IGFBP6: variants seen among roughly 807,000 people sequenced by gnomAD.
IGFBP6 encodes the protein insulin like growth factor binding protein 6.
IGFBP6 carries 24 observed loss-of-function variants against 24.5 expected under a neutral mutation model. The ratio of observed to expected loss-of-function variants is 0.98; its 90% CI spans 0.71 to 1.38. The LOEUF (loss-of-function observed/expected upper bound fraction) is 1.38. Among genes scored for constraint, IGFBP6 ranks in the 40% most tolerant of loss-of-function variants. The probability of loss-of-function intolerance (pLI) is 0.00; values close to 1 mark genes in which losing one functional copy is unlikely to be tolerated. For missense variants in IGFBP6, 331 were observed against 324.8 expected, an observed-to-expected ratio of 1.02 and a Z score of -0.15; for synonymous variants, 147 against 137.4, an observed-to-expected ratio of 1.07 and a Z score of -0.49.
chr12:53,098,553 A>C (rs1937779711), intron 1 of IGFBP6, among the ~76,000 whole-genome samples: 2 of 152,212 alleles, frequency 1.3e-5, no homozygotes, highest in African/African-American at 4.8e-5. Context: ...GCACCTAAAC[A>C]GGAGGCGTCT....
Position 53,101,035 on chromosome 12 carries a change from C to T in IGFBP6, c.481-6C>T, listed in dbSNP as rs1416325169. 1 of 1,613,696 alleles carries T rather than the reference C, an allele frequency of 6.2e-7. No individual in the cohort carries two copies. On this transcript the variant is annotated splice_region_variant and splice_polypyrimidine_tract_variant and intron_variant, in intron 2 of 3. Transcript: ENST00000301464. ...GGTTCTAAGCTGCCTACTCTCCCTT[C>T]CCCAGGGCCCATGCCGTAGACATCT... is the stretch of plus-strand genomic sequence containing the variant.
chr12:53,098,120 A>T (rs144883443), intron 1 of IGFBP6, 69 bp downstream of exon 1: 1 of 1,362,766 alleles, frequency 7.3e-7, no homozygotes, highest in African/African-American at 1.5e-5. Flanking sequence ...TCCTGGGGAG[A>T]CGGGAGTGGG....
Position 53,102,288 on chromosome 12 carries a change from T to A in IGFBP6, c.*121T>A. The A allele has an allele frequency of 1.7e-6, 2 of 1,143,518 alleles. No individual in the cohort carries two copies. Among genetic ancestry groups the A allele is most frequent in the Non-Finnish European group, 1.2e-6 (1 of 814,888 alleles). 70.8% of individuals were successfully genotyped at this position (1,143,518 alleles called of 1,614,324 possible). On this transcript the variant is annotated 3_prime_UTR_variant, in exon 4 of 4. Coordinates refer to ENST00000301464, the MANE Select transcript of IGFBP6 (RefSeq NM_002178.3). ...CGCCCCATGGGCCCCTCACCGCTGG[T>A]TGGAAAGAGTGTTGGTGTTGGCTGG...
At position 53,100,748 on chromosome 12, in the gene IGFBP6, C is replaced by T. The variant is rs752999248; in HGVS notation, c.371C>T (p.Ala124Val). The T allele has an allele frequency of 5.6e-6, 9 of 1,614,070 alleles. No individual in the cohort carries two copies. The African/African-American group carries it at 1.1e-4, about 19-fold the overall frequency. Residue 124 changes from alanine (A) to valine (V), a missense_variant, in exon 2 of 4, where the codon GCA becomes GTA. Coordinates refer to ENST00000301464, the MANE Select transcript of IGFBP6 (RefSeq NM_002178.3). ...EENPKESKPQAGTARPQDVNR... is the reference protein window; with the variant it reads ...EENPKESKPQVGTARPQDVNR... ...AATCCTAAGGAGAGTAAACCCCAAG[C>T]AGGCACTGCCCGCCCACAGGATGTG... is the stretch of plus-strand genomic sequence containing the variant.
In IGFBP6 at chr12:53,100,819, T is replaced by C. The variant is rs1424357369; in HGVS notation, c.442T>C (p.Ser148Pro). The C allele has an allele frequency of 6.2e-7, 1 of 1,614,184 alleles. No homozygotes were observed. The highest frequency in any genetic ancestry group is 1.6e-4 in the Middle Eastern group (1 of 6,062). Residue 148 changes from serine (S) to proline (P), a missense_variant, in exon 2 of 4, where the codon TCC becomes CCC. By Grantham distance (74) the Ser-to-Pro change is moderately conservative. Transcript: ENST00000301464. ...QRNPGTSTTPSQPNSAGVQDT... is the reference protein window; with the variant it reads ...QRNPGTSTTPPQPNSAGVQDT... ...GAATCCAGGCACCTCTACCACGCCC[T>C]CCCAGCCCAATTCTGCGGGTGTCCA... is the stretch of plus-strand genomic sequence containing the variant.
rs1489046222 is a variant in IGFBP6 at position 53,100,746 on chromosome 12, A to G, written c.369A>G (p.Gln123=). The G allele has an allele frequency of 3.1e-6, 5 of 1,614,176 alleles. No homozygotes were observed. In the East Asian group the frequency reaches 8.9e-5, roughly 29 times the overall value. ...AGAATCCTAAGGAGAGTAAACCCCA[A>G]GCAGGCACTGCCCGCCCACAGGATG... ...AEENPKESKP[Q]AGTARPQDVN... is the part of the protein sequence containing the mutation. The change falls in exon 2 of 4, where the codon CAA becomes CAG. Residue 123 remains glutamine (Q), a synonymous_variant. Transcript: ENST00000301464.
chr12:53,101,165 G>A lies in IGFBP6; in HGVS notation c.600+5G>A. ...GGCTTCTACCGGAAGCGGCAGGTGAGACTATTTTTCTTCTCCTCCTGCTCC... is the reference window on the plus strand; with the variant it reads ...GGCTTCTACCGGAAGCGGCAGGTGAAACTATTTTTCTTCTCCTCCTGCTCC... On this transcript the variant is annotated splice_donor_5th_base_variant and intron_variant, in intron 3 of 3. Transcript: ENST00000301464. 6.2e-7 allele frequency: 1 copy of A among 1,613,068 alleles called. No homozygotes were observed. The highest frequency in any genetic ancestry group is 8.5e-7 in the Non-Finnish European group (1 of 1,179,094).
At chr12:53,101,011 G>T (rs766616957) in intron 2 of IGFBP6, 30 bp from the exon 3 acceptor site, 2 of 1,612,066 alleles carry the variant, frequency 1.2e-6, no homozygotes, top group Non-Finnish European at 1.7e-6. Context: ...GGCTGGAGCG[G>T]TTCTAAGCTG....
chr12:53,098,376 T>G (rs1937777324), intron 1 of IGFBP6, among the ~76,000 whole-genome samples: 1 of 152,122 alleles, frequency 6.6e-6, no homozygotes, highest in African/African-American at 2.4e-5. Context: ...GGCCATCCCA[T>G]GGGCTCCAGC....
rs1937760864 is a variant in IGFBP6 at position 53,097,713 on chromosome 12, T to G, written c.-5T>G. 1.9e-6 allele frequency: 3 copies of G among 1,543,910 alleles called. No homozygotes were observed. Among genetic ancestry groups the G allele is most frequent in the Non-Finnish European group, 2.6e-6 (3 of 1,146,364 alleles). ...GAAGGAGAGGACGGGGCACAAACCC[T>G]GACCATGACCCCCCACAGGCTGCTG... is the stretch of plus-strand genomic sequence containing the variant. On this transcript the variant is annotated 5_prime_UTR_variant, in exon 1 of 4. Transcript: ENST00000301464.
chr12:53,099,945 G>GCC (rs9658614), intron 1 of IGFBP6, among the ~76,000 whole-genome samples: 3 of 151,244 alleles, frequency 2.0e-5, no homozygotes, highest in East Asian at 2.0e-4. Context: ...TGCAACCTCC[G>GCC]CCCCCCCGAG....
chr12:53,101,935 C>T, intron 3 of IGFBP6, 110 bp from the exon 4 acceptor site: 1 of 943,136 alleles, frequency 1.1e-6, no homozygotes, highest in Non-Finnish European at 1.5e-6. Flanking sequence ...GAGAGGGAAC[C>T]CCCGAGGAGA....
At position 53,102,317 on chromosome 12, in the gene IGFBP6, G is replaced by A. The variant is rs1433641831; in HGVS notation, c.*150G>A. ...AAAGAGTGTTGGTGTTGGCTGGGGT[G>A]TCAATAAAGCTGTGCTTGGGGTCGC... On this transcript the variant is annotated 3_prime_UTR_variant, in exon 4 of 4. Transcript: ENST00000301464. The A allele has an allele frequency of 3.6e-6, 3 of 842,906 alleles. No individual in the cohort carries two copies. The highest frequency in any genetic ancestry group is 5.4e-6 in the Non-Finnish European group (3 of 557,404). 52.2% of individuals were successfully genotyped at this position (842,906 alleles called of 1,614,324 possible).
In IGFBP6 at chr12:53,097,814, G is replaced by T; in HGVS notation, c.97G>T (p.Gly33Trp). Residue 33 changes from glycine (G) to tryptophan (W), a missense_variant, in exon 1 of 4, where the codon GGG becomes TGG. Gly to Trp is a radical substitution (Grantham distance 184, BLOSUM62 -2). Coordinates refer to ENST00000301464, the MANE Select transcript of IGFBP6 (RefSeq NM_002178.3). Reference protein sequence around the residue: ...GGALARCPGCGQGVQAGCPGG... With the variant: ...GGALARCPGCWQGVQAGCPGG... Reference sequence around the variant, plus strand: ...CGCCTTGGCGCGGTGCCCAGGCTGCGGGCAAGGGGTGCAGGCGGGTTGTCC... The same window carrying T: ...CGCCTTGGCGCGGTGCCCAGGCTGCTGGCAAGGGGTGCAGGCGGGTTGTCC... 6.5e-7 allele frequency: 1 copy of T among 1,541,794 alleles called. No individual in the cohort carries two copies.
intron 2 of IGFBP6, 52 bp downstream of exon 2, chr12:53,100,909 C>T (rs1355396799): frequency 1.2e-6 from 2 of 1,610,716 alleles, no homozygotes; most frequent in East Asian, 4.5e-5. Context: ...CTGGAGACTT[C>T]CATCTGAGAC....
chr12:53,099,218 C>G, intron 1 of IGFBP6: 2 of 434,698 alleles, frequency 4.6e-6, no homozygotes, highest in Non-Finnish European at 9.4e-6. Context: ...GTACATGCTC[C>G]CCTTTCTGCC....
chr12:53,098,621 A>C (rs754628777), intron 1 of IGFBP6, among the ~76,000 whole-genome samples: 4 of 152,206 alleles, frequency 2.6e-5, no homozygotes, highest in Non-Finnish European at 5.9e-5. Flanking sequence ...GACTGAGGGC[A>C]GGCTAGGGCG....
intron 1 of IGFBP6, chr12:53,099,178 A>G (rs1937786630): frequency 1.6e-5 from 6 of 384,158 alleles, no homozygotes; most frequent in Middle Eastern, 3.5e-4. Context: ...CTGATATCTG[A>G]TTAGATGTTA....
chr12:53,098,631 G>A (rs1180300915), intron 1 of IGFBP6, among the ~76,000 whole-genome samples: 1 of 152,168 alleles, frequency 6.6e-6, no homozygotes, highest in African/African-American at 2.4e-5. Context: ...AGGCTAGGGC[G>A]TAGGTTAGGG....
Sources: gnomAD v4.1 joint callset for allele counts (sites outside exome capture counted in the v4.1 genomes callset) on GRCh38, gnomAD v4.1.1 for gene constraint, MANE v1.5 for transcripts, NCBI Gene and HGNC (gene_info 2026-07-23, HGNC 2026-07-21) for gene names.